Variants in GRIA3 observed in about 807,000 individuals in gnomAD.
GRIA3 encodes the protein glutamate receptor 3.
GRIA3 carries 3 observed loss-of-function variants against 63.0 expected under a neutral mutation model. The ratio of observed to expected loss-of-function variants is 0.05; its 90% CI spans 0.02 to 0.12. GRIA3 has a LOEUF of 0.12. GRIA3 is among the 10% of genes least tolerant of loss of function. The pLI, the probability that GRIA3 is intolerant of heterozygous loss-of-function variation, is 1.00. For synonymous variants in GRIA3, 274 were observed against 257.9 expected (o/e 1.06, Z -0.60); for missense variants, 347 against 700.9 (o/e 0.50, Z 5.70).
intron 2 of GRIA3, among the ~76,000 whole-genome samples, chrX:123,213,436 A>G (rs1243923974): frequency 8.9e-6 from 1 of 112,250 alleles, no homozygotes; most frequent in Non-Finnish European, 1.9e-5. Context: ...AGATGAAGGG[A>G]AGAAGGATAC....
At position 123,445,433 on chromosome X, in the gene GRIA3, G is replaced by A. The variant is rs550881587; in HGVS notation, c.2076+17294G>A. Reference sequence around the variant, plus strand: ...CTATTTTGCCCCTTGACACTTTGGAGATGCAGTACAGTATCCATTGTACCA... The same window carrying A: ...CTATTTTGCCCCTTGACACTTTGGAAATGCAGTACAGTATCCATTGTACCA... On this transcript the variant is annotated intron_variant, in intron 12 of 15. Coordinates refer to ENST00000620443, the MANE Select transcript of GRIA3 (RefSeq NM_007325.5). 8.0e-5 allele frequency among the ~76,000 whole-genome samples: 9 copies of A among 112,011 alleles called. No individual in the cohort carries two copies. In the East Asian group the frequency reaches 2.2e-3, roughly 28 times the overall value.
In GRIA3 at chrX:123,428,019, C is replaced by T. The variant is rs764407575; in HGVS notation, c.1956C>T (p.Leu652=). 27 of 1,194,053 alleles carry T rather than the reference C, an allele frequency of 2.3e-5. No homozygotes were observed. The highest frequency in any genetic ancestry group is 2.4e-5 in the Non-Finnish European group (21 of 881,259). ...LIIISSYTAN[L]AAFLTVERMV... is the part of the protein sequence containing the mutation. Reference sequence around the variant, plus strand: ...TAATTTCTTCCTATACTGCCAATCTCGCTGCTTTCCTGACTGTGGAGAGGA... The same window carrying T: ...TAATTTCTTCCTATACTGCCAATCTTGCTGCTTTCCTGACTGTGGAGAGGA... Residue 652 remains leucine, a synonymous_variant, in exon 12 of 16, where the codon CTC becomes CTT. Transcript: ENST00000620443.
intron 3 of GRIA3, among the ~76,000 whole-genome samples, chrX:123,291,558 G>T (rs2044655901): frequency 9.0e-6 from 1 of 110,616 alleles, no homozygotes; most frequent in Admixed American, 9.7e-5. Context: ...TCAAATAAAA[G>T]TTGAAATTAT....
intron 10 of GRIA3, among the ~76,000 whole-genome samples, chrX:123,408,021 G>A (rs1458405750): frequency 9.0e-6 from 1 of 110,885 alleles, no homozygotes; most frequent in Non-Finnish European, 1.9e-5. Context: ...GAGTGCAGTG[G>A]CATGATCTTG....
chrX:123,397,361 T>C (rs193142076), intron 6 of GRIA3, among the ~76,000 whole-genome samples: 2 of 112,046 alleles, frequency 1.8e-5, no homozygotes, highest in Non-Finnish European at 3.8e-5. Context: ...ATCCTGATAA[T>C]TTACTCTATA....
At chrX:123,399,739 G>A (rs2045434652) in intron 7 of GRIA3, among the ~76,000 whole-genome samples, 1 of 112,156 alleles carries the variant, frequency 8.9e-6, no homozygotes, top group Admixed American at 9.5e-5. Flanking sequence ...AACCCAGCAA[G>A]GAAGAACTTG....
chrX:123,252,726 G>A (rs1444913619), intron 2 of GRIA3, among the ~76,000 whole-genome samples: 2 of 111,812 alleles, frequency 1.8e-5, no homozygotes, highest in Non-Finnish European at 3.8e-5. Context: ...AGCACTGAAA[G>A]GACAGTCTTC....
intron 5 of GRIA3, among the ~76,000 whole-genome samples, chrX:123,390,152 C>T (rs967163606): frequency 9.0e-6 from 1 of 111,712 alleles, no homozygotes; most frequent in Non-Finnish European, 1.9e-5. Context: ...TACTGCTTAT[C>T]ATTGTGGTTT....
chrX:123,475,711 T>C (rs185614749), intron 13 of GRIA3, among the ~76,000 whole-genome samples: 155 of 112,298 alleles, frequency 1.4e-3, no homozygotes, highest in Non-Finnish European at 2.4e-3. Context: ...ACTGGAGACA[T>C]TGCTGCACCA....
intron 13 of GRIA3, among the ~76,000 whole-genome samples, chrX:123,479,429 T>G (rs185106872): frequency 1.0e-3 from 115 of 112,375 alleles, no homozygotes; most frequent in African/African-American, 3.5e-3. Context: ...GACCAGTATG[T>G]GCATAAGAAT....
intron 5 of GRIA3, among the ~76,000 whole-genome samples, chrX:123,369,684 C>T (rs1445960554): frequency 8.9e-6 from 1 of 112,426 alleles, no homozygotes. Context: ...CAACTGTCTC[C>T]GAACTTCCTT....
In GRIA3 at chrX:123,480,845, G is replaced by A. The variant is rs986527527; in HGVS notation, c.2439+668G>A. 7.2e-5 allele frequency among the ~76,000 whole-genome samples: 8 copies of A among 111,609 alleles called. No individual in the cohort carries two copies. In the South Asian group the frequency reaches 1.1e-3, roughly 16 times the overall value. ...CGCATGCTCCTTAAAGGTATACATC[G>A]TTAGGATAACATCACATTGATAAGC... On this transcript the variant is annotated intron_variant, in intron 14 of 15. Transcript: ENST00000620443.
chrX:123,392,199 C>A (rs2045390593), intron 5 of GRIA3, among the ~76,000 whole-genome samples: 1 of 112,073 alleles, frequency 8.9e-6, no homozygotes, highest in South Asian at 3.7e-4. Flanking sequence ...AGCAGGGGAG[C>A]CTTTCCTCAG....
chrX:123,388,328 C>T (rs2045365263), intron 5 of GRIA3, among the ~76,000 whole-genome samples: 3 of 111,563 alleles, frequency 2.7e-5, no homozygotes. Context: ...TCACTGCAAC[C>T]TCTGTTTCCT....
At position 123,267,468 on chromosome X, in the gene GRIA3, T is replaced by G. The variant is rs532425737; in HGVS notation, c.508+13926T>G. ...GCCAGTAGAATCATTAACATATGAG[T>G]AATCTCAAGAGCTAGAATGTAGATA... On this transcript the variant is annotated intron_variant, in intron 3 of 15. Coordinates refer to ENST00000620443, the MANE Select transcript of GRIA3 (RefSeq NM_007325.5). 1.5e-3 allele frequency among the ~76,000 whole-genome samples: 173 copies of G among 112,149 alleles called. 1 individual carries two copies. Among genetic ancestry groups the G allele is most frequent in the African/African-American group, 5.1e-3 (159 of 30,911 alleles).
intron 12 of GRIA3, among the ~76,000 whole-genome samples, chrX:123,430,267 G>A (rs1198602334): frequency 9.0e-6 from 1 of 111,610 alleles, no homozygotes; most frequent in Non-Finnish European, 1.9e-5. Context: ...GATTACACAG[G>A]GAGCTGGATA....
At chrX:123,269,439 A>T (rs1569411221) in intron 3 of GRIA3, among the ~76,000 whole-genome samples, 1 of 112,156 alleles carries the variant, frequency 8.9e-6, no homozygotes, top group Non-Finnish European at 1.9e-5. Context: ...CTTCTGAGAC[A>T]TAGAACGAAG....
At chrX:123,318,773 C>G (rs1158650078) in intron 3 of GRIA3, among the ~76,000 whole-genome samples, 3 of 111,936 alleles carry the variant, frequency 2.7e-5, no homozygotes, top group Non-Finnish European at 3.8e-5. Context: ...TGTCTGTTAC[C>G]CAGTTTGAAA....
chrX:123,289,445 A>T (rs1005526060), intron 3 of GRIA3, among the ~76,000 whole-genome samples: 1 of 107,502 alleles, frequency 9.3e-6, no homozygotes, highest in African/African-American at 3.4e-5. Flanking sequence ...TATATATATA[A>T]AGATAAAGAT....
Sources: gnomAD v4.1 joint callset for allele counts (sites outside exome capture counted in the v4.1 genomes callset) on GRCh38, gnomAD v4.1.1 for gene constraint, MANE v1.5 for transcripts, NCBI Gene and HGNC (gene_info 2026-07-23, HGNC 2026-07-21) for gene names.